KIF14: variants seen among roughly 807,000 people sequenced by gnomAD.
The protein encoded by KIF14 is kinesin-like protein KIF14.
KIF14 carries 98 observed loss-of-function variants against 176.2 expected under a neutral mutation model. The observed-to-expected ratio is 0.56, with a 90% CI of 0.47 to 0.66. KIF14 has a LOEUF of 0.66. KIF14 is among the 30% of genes least tolerant of loss of function. KIF14 has a pLI of 0.00. For synonymous variants in KIF14, 566 were observed against 632.2 expected, an observed-to-expected ratio of 0.90 and a Z score of 1.57; for missense variants, 1,751 against 1,920.4, an observed-to-expected ratio of 0.91 and a Z score of 1.65.
rs983186969 is a variant in KIF14 at position 200,605,492 on chromosome 1, G to A, written c.1639-102C>T. ...TACACATTTGTAATTCAGATCAGCA[G>A]ACTGTAACTCAATGATATAAAAATT... On this transcript the variant is annotated intron_variant, in intron 7 of 29. Transcript: ENST00000367350. The A allele has an allele frequency of 1.9e-5, 13 of 689,614 alleles. No individual in the cohort carries two copies. In the African/African-American group the frequency reaches 2.2e-4, roughly 12 times the overall value. The allele number at this position is 689,614 out of a possible 1,614,324, so 42.7% of individuals were successfully genotyped here.
intron 20 of KIF14, among the ~76,000 whole-genome samples, 177 bp from the exon 21 acceptor site, chr1:200,580,560 CAA>C (rs1488409197): frequency 6.6e-6 from 1 of 151,758 alleles, no homozygotes; most frequent in Non-Finnish European, 1.5e-5. Flanking sequence ...ATAAAAATAA[CAA>C]AAATTTTTTA....
chr1:200,593,362 G>A (rs1426606191), intron 15 of KIF14, among the ~76,000 whole-genome samples: 1 of 152,118 alleles, frequency 6.6e-6, no homozygotes, highest in East Asian at 1.9e-4. Context: ...TAAATAACTT[G>A]CCAGACGTCA....
At position 200,593,655 on chromosome 1, in the gene KIF14, C is replaced by G. The variant is rs776729836; in HGVS notation, c.2652+12G>C. ...CGAACAGTTTCTTATATTATAGCAC[C>G]CATCCACTTACATGACGTAATACTG... On this transcript the variant is annotated intron_variant, in intron 15 of 29. Coordinates refer to ENST00000367350, the MANE Select transcript of KIF14 (RefSeq NM_014875.3). 6.9e-7 allele frequency: 1 copy of G among 1,455,152 alleles called. No individual in the cohort carries two copies. 90.1% of individuals were successfully genotyped at this position (1,455,152 alleles called of 1,614,324 possible).
In KIF14 at chr1:200,581,115, G is replaced by GGA. The variant is rs1553256824; in HGVS notation, c.3335+85_3335+86insTC. ...GGCAACAGAGCAAGACTCTGTCTCA[G>GGA]AAAAAAAAAAAAAAAAAAGAGAAAC... On this transcript the variant is annotated intron_variant, in intron 20 of 29. Coordinates refer to ENST00000367350, the MANE Select transcript of KIF14 (RefSeq NM_014875.3). 3.4e-5 allele frequency: 10 copies of GGA among 291,330 alleles called. No homozygotes were observed. In the East Asian group the frequency reaches 5.1e-4, roughly 15 times the overall value. 18.0% of individuals were successfully genotyped at this position (291,330 alleles called of 1,614,324 possible).
In KIF14 at chr1:200,608,868, G is replaced by A. The variant is rs140867969; in HGVS notation, c.1516C>T (p.Leu506=). 1.1e-5 allele frequency: 17 copies of A among 1,610,406 alleles called. No homozygotes were observed. In the African/African-American group the frequency reaches 2.0e-4, roughly 19 times the overall value. ...EVYNEKIHDL[L]VCKDENGQRK... is the part of the protein sequence containing the mutation. The stretch of plus-strand genomic sequence containing the variant: ...TGCCCATTTTCATCTTTACAAACCA[G>A]AAGGTCGTGAATTTTTTCATTATAT... The change falls in exon 5 of 30, where the codon CTG becomes TTG. Residue 506 remains leucine, a synonymous_variant. Coordinates refer to ENST00000367350, the MANE Select transcript of KIF14 (RefSeq NM_014875.3).
intron 14 of KIF14, among the ~76,000 whole-genome samples, 169 bp from the exon 15 acceptor site, chr1:200,593,938 T>TTTG (rs1659187167): frequency 7.0e-6 from 1 of 142,372 alleles, no homozygotes; most frequent in Admixed American, 7.1e-5. Context: ...TTTTTTTTTT[T>TTTG]TTTTTTTTTT....
intron 14 of KIF14, among the ~76,000 whole-genome samples, chr1:200,594,368 C>CAAAAAAAAAAAAAA (rs371729211): frequency 1.1e-5 from 1 of 92,516 alleles, no homozygotes; most frequent in Non-Finnish European, 2.0e-5. Flanking sequence ...CCCAAAAATT[C>CAAAAAAAAAAAAAA]AAAAAAAAAA....
chr1:200,577,490 G>A (rs2102639272), intron 21 of KIF14, among the ~76,000 whole-genome samples: 1 of 152,106 alleles, frequency 6.6e-6, no homozygotes, highest in East Asian at 2.0e-4. Flanking sequence ...TTTTATAGCT[G>A]TGTTGATATT....
intron 12 of KIF14, 119 bp from the exon 13 acceptor site, chr1:200,600,232 T>G: frequency 1.7e-6 from 2 of 1,201,380 alleles, no homozygotes; most frequent in African/African-American, 3.0e-5. Context: ...TATGATAATC[T>G]GGGAGTGGGC....
intron 21 of KIF14, among the ~76,000 whole-genome samples, chr1:200,576,548 A>G (rs910239598): frequency 1.3e-5 from 2 of 152,046 alleles, no homozygotes; most frequent in African/African-American, 4.8e-5. Flanking sequence ...TTTAAAGTAT[A>G]TATCAAGGCA....
At chr1:200,606,594 G>C in intron 6 of KIF14, 152 bp downstream of exon 6, 1 of 693,130 alleles carries the variant, frequency 1.4e-6, no homozygotes, top group Non-Finnish European at 2.5e-6. Flanking sequence ...AAACCTAATT[G>C]GACAATATCA....
At chr1:200,576,466 A>G (rs1446393678) in intron 21 of KIF14, among the ~76,000 whole-genome samples, 5 of 141,852 alleles carry the variant, frequency 3.5e-5, no homozygotes, top group Non-Finnish European at 7.6e-5. Flanking sequence ...CGACAGAGCG[A>G]GACTCCGTCT....
chr1:200,581,844 C>A lies in KIF14; in HGVS notation c.3242-550G>T, dbSNP rs2998409. Among the ~76,000 whole-genome samples, 820 of 145,404 alleles carry A rather than the reference C, an allele frequency of 5.6e-3. 4 individuals carry two copies. Among genetic ancestry groups the A allele is most frequent in the Admixed American group, 0.011 (146 of 13,882 alleles). ...AGTACAGTGGCTCAAGCATGGCTCA[C>A]TGCAGCCTTGACCTCCCCAGGCTCA... is the stretch of plus-strand genomic sequence containing the variant. On this transcript the variant is annotated intron_variant, in intron 19 of 29. Coordinates refer to ENST00000367350, the MANE Select transcript of KIF14 (RefSeq NM_014875.3).
chr1:200,575,686 A>G lies in KIF14; in HGVS notation c.3471T>C (p.Asn1157=), dbSNP rs1326841900. Residue 1157 remains asparagine, a synonymous_variant, in exon 22 of 30, where the codon AAT becomes AAC. Transcript: ENST00000367350. ...AGGCATCTTCACCCCTGTTACTACCATTACTCTAAGAAAAATATAATATAT... is the reference window on the plus strand; with the variant it reads ...AGGCATCTTCACCCCTGTTACTACCGTTACTCTAAGAAAAATATAATATAT... ...LAAMKELYES[N]GSNRGEDAFC... is the part of the protein sequence containing the mutation. 2 of 1,525,030 alleles carry G rather than the reference A, an allele frequency of 1.3e-6. No individual in the cohort carries two copies. Among genetic ancestry groups the G allele is most frequent in the Admixed American group, 3.7e-5 (2 of 53,650 alleles). The allele number at this position is 1,525,030 out of a possible 1,614,324, so 94.5% of individuals were successfully genotyped here.
rs758167310 is a variant in KIF14, at chr1:200,586,211, C to T, written c.3131G>A (p.Ser1044Asn). The T allele has an allele frequency of 1.3e-6, 2 of 1,595,838 alleles. No homozygotes were observed. The highest frequency in any genetic ancestry group is 1.1e-5 in the South Asian group (1 of 88,308). The change falls in exon 19 of 30, where the codon AGC (serine) becomes AAC (asparagine). Residue 1044 changes from serine to asparagine, a missense_variant. By Grantham distance (46) the Ser-to-Asn change is conservative. Coordinates refer to ENST00000367350, the MANE Select transcript of KIF14 (RefSeq NM_014875.3). ...TTCCAGAATTCTTGCATGGCGGATG[C>T]TATGGTCTTCTAAAGCCTAATTGAT... ...LATKQALEDHSIRHARILEAL... is the reference protein window; with the variant it reads ...LATKQALEDHNIRHARILEAL...
chr1:200,613,135 G>A (rs933497411), intron 4 of KIF14, among the ~76,000 whole-genome samples: 7 of 152,028 alleles, frequency 4.6e-5, no homozygotes, highest in East Asian at 3.9e-4. Flanking sequence ...TGATCTGCCC[G>A]CTTCGGCCTC....
chr1:200,558,513 AT>A lies in KIF14; in HGVS notation c.4353+816del, dbSNP rs950518055. Among the ~76,000 whole-genome samples the A allele has an allele frequency of 8.0e-4, 122 of 152,260 alleles. 12 individuals carry two copies. Among genetic ancestry groups the A allele is most frequent in the Non-Finnish European group, 2.9e-5 (2 of 68,048 alleles). On this transcript the variant is annotated intron_variant, in intron 27 of 29. Coordinates refer to ENST00000367350, the MANE Select transcript of KIF14 (RefSeq NM_014875.3). ...AGGCAAAATACTCTAATTCAATGAA[AT>A]GAAGAATATAAATTCCTACCTTGAA...
rs771412879 is a variant in KIF14 at position 200,605,436 on chromosome 1, CAAT to C, written c.1639-49_1639-47del. ...AAGATCAGATCAGCAGACTGTAACT[CAAT>C]GATATAAAAATTAAGAGAGACAACA... On this transcript the variant is annotated intron_variant, in intron 7 of 29. Transcript: ENST00000367350. The C allele has an allele frequency of 7.4e-6, 10 of 1,342,724 alleles. No individual in the cohort carries two copies. In the African/African-American group the frequency reaches 1.0e-4, roughly 14 times the overall value. The allele number at this position is 1,342,724 out of a possible 1,614,324, so 83.2% of individuals were successfully genotyped here. A position where few individuals can be genotyped will look rare whatever the true frequency, so the allele number is the denominator to read the frequency against.
chr1:200,603,750 G>C, intron 9 of KIF14, 89 bp downstream of exon 9: 1 of 757,876 alleles, frequency 1.3e-6, no homozygotes, highest in Non-Finnish European at 2.3e-6. Context: ...ATATATTTGG[G>C]GAGGTTAAGT....
Sources: allele counts gnomAD v4.1 joint callset (sites outside exome capture counted in the v4.1 genomes callset), GRCh38; gene constraint gnomAD v4.1.1; transcripts MANE v1.5; gene names NCBI Gene and HGNC (gene_info 2026-07-23, HGNC 2026-07-21).